Variants in FSIP1 observed in about 807,000 individuals in gnomAD.
The protein encoded by FSIP1 is fibrous sheath interacting protein 1, also known as fibrous sheath-interacting protein 1.
FSIP1 carries 65 observed loss-of-function variants against 60.9 expected under a neutral mutation model. That is an observed-to-expected ratio of 1.07 (90% CI 0.87 to 1.31). The LOEUF (loss-of-function observed/expected upper bound fraction) is 1.31, where lower values mean the gene tolerates loss of function less well. Ranked by LOEUF, FSIP1 falls within the 40% of genes most tolerant of loss-of-function variation. The probability of loss-of-function intolerance (pLI) is 0.00; values close to 1 mark genes in which losing one functional copy is unlikely to be tolerated. For synonymous variants in FSIP1, 209 were observed against 221.2 expected, an observed-to-expected ratio of 0.94 and a Z score of 0.49; for missense variants, 675 against 665.5, an observed-to-expected ratio of 1.01 and a Z score of -0.16.
Position 39,713,482 on chromosome 15 carries a change from C to T in FSIP1, c.1150G>A (p.Glu384Lys). 1 of 1,607,332 alleles carries T rather than the reference C, an allele frequency of 6.2e-7. No individual in the cohort carries two copies. Among genetic ancestry groups the T allele is most frequent in the Non-Finnish European group, 8.5e-7 (1 of 1,177,464 alleles). ...ATCATTTTCAGCTTTTCATCAATCT[C>T]TCTCAGCCGATTATGCAGATCGCGT... ...EQRDLHNRLR[E>K]IDEKLKMMKE... Residue 384 changes from glutamate to lysine, a missense_variant, in exon 10 of 12, where the codon GAG becomes AAG. Glu to Lys is a moderately conservative substitution (Grantham distance 56). Coordinates refer to ENST00000350221, the MANE Select transcript of FSIP1 (RefSeq NM_152597.5).
chr15:39,730,218 T>C (rs973105461), intron 8 of FSIP1, among the ~76,000 whole-genome samples: 2 of 152,204 alleles, frequency 1.3e-5, no homozygotes, highest in Non-Finnish European at 2.9e-5. Flanking sequence ...AATGAATTGT[T>C]TGGGACCTTT....
chr15:39,682,397 G>T (rs1380618376), intron 10 of FSIP1, among the ~76,000 whole-genome samples: 2 of 152,010 alleles, frequency 1.3e-5, no homozygotes, highest in Admixed American at 1.3e-4. Flanking sequence ...CCACACATTT[G>T]CTTTTAACAC....
chr15:39,634,682 G>C lies in FSIP1; in HGVS notation c.1189-16437C>G, dbSNP rs549558147. 4.5e-4 allele frequency among the ~76,000 whole-genome samples: 68 copies of C among 152,296 alleles called. No homozygotes were observed. The East Asian group carries it at 0.011, about 24-fold the overall frequency. ...ACCACACTAGCATGTGGCCTGTTTA[G>C]AGCTACTTCTCAGAACAAAATAAAG... is the stretch of plus-strand genomic sequence containing the variant. On this transcript the variant is annotated intron_variant, in intron 10 of 11. Coordinates refer to ENST00000350221, the MANE Select transcript of FSIP1 (RefSeq NM_152597.5).
chr15:39,707,242 C>T (rs1895311073), intron 10 of FSIP1, among the ~76,000 whole-genome samples: 3 of 152,212 alleles, frequency 2.0e-5, no homozygotes, highest in South Asian at 2.1e-4. Context: ...CTCCATTTCG[C>T]AGCAGGGTTT....
At chr15:39,737,956 C>T in intron 8 of FSIP1, 135 bp downstream of exon 8, 1 of 562,124 alleles carries the variant, frequency 1.8e-6, no homozygotes, top group East Asian at 3.0e-5. Context: ...GTTAGTAAAA[C>T]AGGGTTTTTT....
chr15:39,622,639 A>G (rs1891481814), intron 10 of FSIP1, among the ~76,000 whole-genome samples: 1 of 152,226 alleles, frequency 6.6e-6, no homozygotes, highest in African/African-American at 2.4e-5. Context: ...GGTAGAAACT[A>G]TTGTTATTTC....
At chr15:39,684,788 T>C (rs983882367) in intron 10 of FSIP1, among the ~76,000 whole-genome samples, 6 of 152,182 alleles carry the variant, frequency 3.9e-5, no homozygotes, top group Non-Finnish European at 8.8e-5. Flanking sequence ...CTGACTTGTA[T>C]TGATGGAGTT....
chr15:39,767,826 C>T lies in FSIP1; in HGVS notation c.311-2080G>A, dbSNP rs982520777. Among the ~76,000 whole-genome samples the T allele has an allele frequency of 1.3e-5, 2 of 152,336 alleles. 1 individual carries two copies. The highest frequency in any genetic ancestry group is 4.1e-4 in the South Asian group (2 of 4,832). ...CCGTTCCAGCTCCCCATCCATCTCA[C>T]TGAGAGCTACCTCTACCACTCAATA... On this transcript the variant is annotated intron_variant, in intron 3 of 11. Coordinates refer to ENST00000350221, the MANE Select transcript of FSIP1 (RefSeq NM_152597.5).
chr15:39,611,128 AAAAC>A (rs574803155), intron 11 of FSIP1, among the ~76,000 whole-genome samples: 425 of 152,338 alleles, frequency 2.8e-3, no homozygotes, highest in African/African-American at 8.8e-3. Context: ...TGAGAGTTAA[AAAAC>A]AAAACTATTA....
Position 39,648,024 on chromosome 15 carries a change from G to T in FSIP1, c.1189-29779C>A, listed in dbSNP as rs1004122781. Among the ~76,000 whole-genome samples the T allele has an allele frequency of 1.2e-4, 18 of 151,938 alleles. 1 individual carries two copies. The highest frequency in any genetic ancestry group is 2.6e-4 in the Admixed American group (4 of 15,244). On this transcript the variant is annotated intron_variant, in intron 10 of 11. Coordinates refer to ENST00000350221, the MANE Select transcript of FSIP1 (RefSeq NM_152597.5). ...CACACTCTGGGGACTGTGGTGGGGT[G>T]GGGGGAGCGGGGAGGGATAGCATTG...
At chr15:39,707,666 C>A (rs147865094) in intron 10 of FSIP1, among the ~76,000 whole-genome samples, 38 of 152,162 alleles carry the variant, frequency 2.5e-4, no homozygotes, top group African/African-American at 9.2e-4. Context: ...CTTCTAAGTA[C>A]CTTATATATA....
At position 39,726,575 on chromosome 15, in the gene FSIP1, G is replaced by T; in HGVS notation, c.1050+14C>A. On this transcript the variant is annotated intron_variant, in intron 9 of 11. Transcript: ENST00000350221. ...CACACATTAACTTGAACAGTCTATGGGTTCTTCAAATACCTGATTATTCCG... is the reference window on the plus strand; with the variant it reads ...CACACATTAACTTGAACAGTCTATGTGTTCTTCAAATACCTGATTATTCCG... 1 of 1,613,270 alleles carries T rather than the reference G, an allele frequency of 6.2e-7. No homozygotes were observed. Among genetic ancestry groups the T allele is most frequent in the Non-Finnish European group, 8.5e-7 (1 of 1,179,334 alleles).
At position 39,663,011 on chromosome 15, in the gene FSIP1, C is replaced by T. The variant is rs115666490; in HGVS notation, c.1189-44766G>A. 7.1e-3 allele frequency among the ~76,000 whole-genome samples: 1,081 copies of T among 152,214 alleles called. 16 individuals are homozygous for T. The highest frequency in any genetic ancestry group is 0.024 in the African/African-American group (1,017 of 41,548). On this transcript the variant is annotated intron_variant, in intron 10 of 11. Transcript: ENST00000350221. ...AGCATAATCTTAGACAGCAACCTTG[C>T]TAAACTCAAACAAGCTTCCTTGTTT...
At chr15:39,740,519 T>A (rs1052580207) in intron 6 of FSIP1, among the ~76,000 whole-genome samples, 2 of 152,146 alleles carry the variant, frequency 1.3e-5, no homozygotes, top group African/African-American at 4.8e-5. Flanking sequence ...GCTCTGAAAA[T>A]ATGCACGAAG....
At position 39,746,315 on chromosome 15, in the gene FSIP1, GA is replaced by G. The variant is rs989015044; in HGVS notation, c.560-4416del. ...CACCCCCTTGACTCAGAGATAAAAG[GA>G]AAAAAACAACCAGAAACCAGAGTCC... On this transcript the variant is annotated intron_variant, in intron 5 of 11. Coordinates refer to ENST00000350221, the MANE Select transcript of FSIP1 (RefSeq NM_152597.5). Among the ~76,000 whole-genome samples the G allele has an allele frequency of 3.9e-5, 6 of 152,062 alleles. No homozygotes were observed. The East Asian group carries it at 5.8e-4, about 15-fold the overall frequency.
At chr15:39,770,662 A>C (rs749201403) in intron 2 of FSIP1, 52 bp from the exon 3 acceptor site, 6 of 1,164,646 alleles carry the variant, frequency 5.2e-6, no homozygotes, top group Non-Finnish European at 7.0e-6. Flanking sequence ...GTCTTTTTTT[A>C]AACTTTACAT....
chr15:39,782,526 A>G (rs1224284534), intron 1 of FSIP1, 102 bp downstream of exon 1: 1 of 134,740 alleles, frequency 7.4e-6, no homozygotes, highest in African/African-American at 2.8e-5. Context: ...TCTCCCTGAC[A>G]GTCCATCTAC....
At chr15:39,627,112 AG>A (rs1891673679) in intron 10 of FSIP1, among the ~76,000 whole-genome samples, 1 of 152,220 alleles carries the variant, frequency 6.6e-6, no homozygotes, top group Non-Finnish European at 1.5e-5. Context: ...GTTTCCCAGC[AG>A]CATACACAAG....
chr15:39,614,666 A>T (rs1891160172), intron 11 of FSIP1, among the ~76,000 whole-genome samples: 1 of 151,648 alleles, frequency 6.6e-6, no homozygotes, highest in East Asian at 1.9e-4. Context: ...AAAAAAAAGA[A>T]GATGTACCAT....
Sources: gnomAD v4.1 joint callset for allele counts (sites outside exome capture counted in the v4.1 genomes callset) on GRCh38, gnomAD v4.1.1 for gene constraint, MANE v1.5 for transcripts, NCBI Gene and HGNC (gene_info 2026-07-23, HGNC 2026-07-21) for gene names.